Variants in PTPRE observed in about 807,000 individuals in gnomAD.
The protein encoded by PTPRE is protein tyrosine phosphatase receptor type E.
Under a neutral mutation model 102.0 loss-of-function variants are expected in PTPRE, and 51 were observed. That is an observed-to-expected ratio of 0.50 (90% confidence interval 0.40 to 0.63). The LOEUF (loss-of-function observed/expected upper bound fraction) is 0.63, where lower values mean the gene tolerates loss of function less well. PTPRE is among the 30% of genes least tolerant of loss of function. The probability of loss-of-function intolerance (pLI) is 0.00; values close to 1 mark genes in which losing one functional copy is unlikely to be tolerated. For synonymous variants in PTPRE, 345 were observed against 348.2 expected, an observed-to-expected ratio of 0.99 and a Z score of 0.10; for missense variants, 752 against 915.1, an observed-to-expected ratio of 0.82 and a Z score of 2.30.
chr10:128,055,855 T>C (rs572018625), intron 6 of PTPRE, among the ~76,000 whole-genome samples: 3 of 152,338 alleles, frequency 2.0e-5, no homozygotes, highest in African/African-American at 4.8e-5. Context: ...TCCGCCTTCA[T>C]GCAGCATAGG....
intron 1 of PTPRE, among the ~76,000 whole-genome samples, chr10:127,920,023 C>T (rs376658861): frequency 1.3e-5 from 2 of 151,930 alleles, no homozygotes; most frequent in African/African-American, 2.4e-5. Context: ...CAGCCAGGCT[C>T]GGCGTGCTGT....
At chr10:127,947,362 C>G (rs1426472315) in intron 1 of PTPRE, among the ~76,000 whole-genome samples, 1 of 152,170 alleles carries the variant, frequency 6.6e-6, no homozygotes, top group African/African-American at 2.4e-5. Context: ...GAAAACCTCC[C>G]CTGATTGTCT....
chr10:127,913,216 C>T (rs963239880), intron 1 of PTPRE, among the ~76,000 whole-genome samples: 7 of 152,226 alleles, frequency 4.6e-5, no homozygotes, highest in Admixed American at 4.6e-4. Flanking sequence ...AAGGCAAGGG[C>T]CCAGGGGACC....
At chr10:128,073,522 G>GGC (rs1348178314) in intron 17 of PTPRE, 51 bp downstream of exon 17, 1 of 1,590,174 alleles carries the variant, frequency 6.3e-7, no homozygotes, top group East Asian at 2.3e-5. Flanking sequence ...GTGCACCTGA[G>GGC]GCACTGTCCC....
At chr10:128,032,314 C>T (rs1846827848) in intron 2 of PTPRE, among the ~76,000 whole-genome samples, 1 of 152,144 alleles carries the variant, frequency 6.6e-6, no homozygotes. Flanking sequence ...CCATGCCTGG[C>T]TGAAAATTAA....
rs115288881 is a variant in PTPRE at position 128,028,876 on chromosome 10, C to A, written c.-7-11999C>A. Among the ~76,000 whole-genome samples, 1 of 152,164 alleles carries A rather than the reference C, an allele frequency of 6.6e-6. No individual in the cohort carries two copies. The highest frequency in any genetic ancestry group is 1.5e-5 in the Non-Finnish European group (1 of 68,020). ...CACCCCAGACGTCTGGCCCTCGTCC[C>A]GAATGCTGTCCCCTCTGGCCTCAGC... is the stretch of plus-strand genomic sequence containing the variant. On this transcript the variant is annotated intron_variant, in intron 2 of 20. Coordinates refer to ENST00000254667, the MANE Select transcript of PTPRE (RefSeq NM_006504.6). The surrounding 1 kb of genome is among the most constrained non-coding windows in gnomAD (Gnocchi z 4.5).
At chr10:127,938,740 A>G (rs1848009458) in intron 1 of PTPRE, among the ~76,000 whole-genome samples, 1 of 152,180 alleles carries the variant, frequency 6.6e-6, no homozygotes, top group African/African-American at 2.4e-5. Context: ...TAAAATTAGT[A>G]TCAATGCTAT....
chr10:128,065,113 C>T (rs1254480929), intron 10 of PTPRE, among the ~76,000 whole-genome samples: 2 of 148,940 alleles, frequency 1.3e-5, no homozygotes, highest in African/African-American at 2.4e-5. Context: ...CCCACAGCCC[C>T]GCAGCCCCGC....
chr10:128,073,101 C>T lies in PTPRE; in HGVS notation c.1465-236C>T, dbSNP rs145763042. Among the ~76,000 whole-genome samples, 3 of 152,294 alleles carry T rather than the reference C, an allele frequency of 2.0e-5. No individual in the cohort carries two copies. In the East Asian group the frequency reaches 5.8e-4, roughly 29 times the overall value. ...CAGGCAACTACCAGTTCATAATACC[C>T]ATTTGTTGATGACCTCAGGGGCTGA... On this transcript the variant is annotated intron_variant, in intron 16 of 20. Coordinates refer to ENST00000254667, the MANE Select transcript of PTPRE (RefSeq NM_006504.6).
chr10:128,044,078 C>A (rs1475940268), intron 3 of PTPRE, among the ~76,000 whole-genome samples: 1 of 152,144 alleles, frequency 6.6e-6, no homozygotes, highest in East Asian at 1.9e-4. Context: ...TTTCCCAAAC[C>A]TGCATATTTA....
At chr10:127,926,410 G>A (rs567956973) in intron 1 of PTPRE, among the ~76,000 whole-genome samples, 4 of 152,324 alleles carry the variant, frequency 2.6e-5, no homozygotes, top group Admixed American at 6.5e-5. Flanking sequence ...AGAAGCAGGC[G>A]CTGTGAGTTG....
chr10:127,958,362 AATTTCCTTCT>A (rs1159926331), intron 1 of PTPRE, among the ~76,000 whole-genome samples: 1 of 152,066 alleles, frequency 6.6e-6, no homozygotes, highest in Non-Finnish European at 1.5e-5. Flanking sequence ...AACTTGAGGA[AATTTCCTTCT>A]ATTCCTTGTT....
At chr10:128,022,247 C>T (rs570516569) in intron 2 of PTPRE, among the ~76,000 whole-genome samples, 1 of 152,202 alleles carries the variant, frequency 6.6e-6, no homozygotes, top group African/African-American at 2.4e-5. Flanking sequence ...CCCAGGTGCA[C>T]CTGGCACCCC....
At chr10:127,961,192 A>G (rs1305292256) in intron 1 of PTPRE, among the ~76,000 whole-genome samples, 5 of 152,150 alleles carry the variant, frequency 3.3e-5, no homozygotes, top group East Asian at 1.9e-4. Flanking sequence ...CCTGGGGCAT[A>G]GAAGTACTTA....
chr10:128,045,537 C>T (rs557574501), intron 3 of PTPRE, among the ~76,000 whole-genome samples: 1 of 152,140 alleles, frequency 6.6e-6, no homozygotes, highest in Non-Finnish European at 1.5e-5. Flanking sequence ...GGAGGGGGAC[C>T]GAGGCCCAAG....
At chr10:128,072,312 C>T in intron 16 of PTPRE, 98 bp downstream of exon 16, 3 of 1,133,922 alleles carry the variant, frequency 2.6e-6, no homozygotes, top group East Asian at 2.7e-5. Context: ...AAAGAATTGA[C>T]ATGTTTCCAG....
intron 2 of PTPRE, 79 bp from the exon 3 acceptor site, chr10:128,040,796 C>A (rs1289962349): frequency 9.0e-7 from 1 of 1,106,758 alleles, no homozygotes; most frequent in Admixed American, 2.0e-5. Flanking sequence ...GGCTCTTCTC[C>A]TCATCATCAC....
At chr10:127,965,186 A>G (rs148526868) in intron 1 of PTPRE, among the ~76,000 whole-genome samples, 139 of 152,362 alleles carry the variant, frequency 9.1e-4, no homozygotes, top group African/African-American at 3.1e-3. Flanking sequence ...TGTAATTATC[A>G]AATGGCAGGA....
intron 2 of PTPRE, among the ~76,000 whole-genome samples, chr10:128,011,299 G>GTT (rs1844988065): frequency 6.6e-6 from 1 of 152,228 alleles, no homozygotes; most frequent in South Asian, 2.1e-4. Context: ...ATTAATCACT[G>GTT]TAACACGGCG....
Sources: allele counts gnomAD v4.1 joint callset (sites outside exome capture counted in the v4.1 genomes callset), GRCh38; gene constraint gnomAD v4.1.1; non-coding constraint Gnocchi (gnomAD v3.1); transcripts MANE v1.5; gene names NCBI Gene and HGNC (gene_info 2026-07-23, HGNC 2026-07-21).